Variants in TBCK observed in about 807,000 individuals in gnomAD.
The protein encoded by TBCK is TBC domain-containing protein kinase-like protein.
TBCK carries 99 observed loss-of-function variants against 113.4 expected under a neutral mutation model. That is an observed-to-expected ratio of 0.87 (90% CI 0.74 to 1.03). The LOEUF (loss-of-function observed/expected upper bound fraction) is 1.03, where lower values mean the gene tolerates loss of function less well. Ranked by LOEUF, TBCK falls within the 50% of genes least tolerant of loss-of-function variation. TBCK has a pLI of 0.00. For synonymous variants in TBCK, 369 were observed against 370.8 expected (o/e 1.00, Z 0.05); for missense variants, 1,045 against 1,061.3 (o/e 0.98, Z 0.21).
chr4:106,100,707 G>T (rs1405044020), intron 24 of TBCK, among the ~76,000 whole-genome samples: 1 of 152,060 alleles, frequency 6.6e-6, no homozygotes, highest in South Asian at 2.1e-4. Flanking sequence ...TACCTGTTTA[G>T]AATTTTTTAA....
At chr4:106,126,366 C>A (rs1273886671) in intron 23 of TBCK, among the ~76,000 whole-genome samples, 1 of 152,190 alleles carries the variant, frequency 6.6e-6, no homozygotes, top group African/African-American at 2.4e-5. Flanking sequence ...TATTATCTGA[C>A]ACACAGAAAG....
chr4:106,094,395 T>G (rs1448654547), intron 25 of TBCK, among the ~76,000 whole-genome samples: 1 of 152,176 alleles, frequency 6.6e-6, no homozygotes, highest in Non-Finnish European at 1.5e-5. Flanking sequence ...TCATGCATAC[T>G]TTTTATTTCC....
In TBCK at chr4:106,138,109, A is replaced by G. The variant is rs1373184160; in HGVS notation, c.2236-21731T>C. On this transcript the variant is annotated intron_variant, in intron 23 of 25. Coordinates refer to ENST00000394708, the MANE Select transcript of TBCK (RefSeq NM_001163435.3). ...ATACTTATTTCATGTATTTTTTAATATGGAAAACCAAATGTCGCAGAACCA... is the reference window on the plus strand; with the variant it reads ...ATACTTATTTCATGTATTTTTTAATGTGGAAAACCAAATGTCGCAGAACCA... 2.1e-5 allele frequency among the ~76,000 whole-genome samples: 3 copies of G among 141,368 alleles called. 1 individual carries two copies. Among genetic ancestry groups the G allele is most frequent in the African/African-American group, 7.5e-5 (3 of 40,026 alleles). 92.7% of individuals were successfully genotyped at this position (141,368 alleles called of 152,430 possible).
chr4:106,106,031 T>G (rs1412781006), intron 24 of TBCK, among the ~76,000 whole-genome samples: 1 of 151,530 alleles, frequency 6.6e-6, no homozygotes, highest in African/African-American at 2.4e-5. Flanking sequence ...ACCAAGCCGA[T>G]GAAAGAATCT....
chr4:106,314,760 G>A (rs1230785812), intron 1 of TBCK, among the ~76,000 whole-genome samples: 1 of 151,462 alleles, frequency 6.6e-6, no homozygotes, highest in Non-Finnish European at 1.5e-5. Flanking sequence ...GAGTGGCTGG[G>A]ATTACAGGCG....
intron 19 of TBCK, among the ~76,000 whole-genome samples, chr4:106,215,071 A>G (rs533164347): frequency 1.3e-5 from 2 of 150,904 alleles, no homozygotes; most frequent in African/African-American, 4.9e-5. Context: ...CAACATTCTT[A>G]AAGAAAAGAA....
chr4:106,118,710 GAA>G (rs1743870767), intron 23 of TBCK, among the ~76,000 whole-genome samples: 1 of 152,230 alleles, frequency 6.6e-6, no homozygotes, highest in African/African-American at 2.4e-5. Flanking sequence ...TCACCTGAGT[GAA>G]AAGAGTGCCC....
intron 22 of TBCK, among the ~76,000 whole-genome samples, chr4:106,186,699 T>A (rs1018435625): frequency 8.5e-5 from 13 of 152,164 alleles, no homozygotes; most frequent in African/African-American, 2.2e-4. Flanking sequence ...ACTCTGTTGA[T>A]AGTTTCTTTT....
At chr4:106,085,260 C>A (rs554093577) in intron 25 of TBCK, among the ~76,000 whole-genome samples, 1 of 146,540 alleles carries the variant, frequency 6.8e-6, no homozygotes, top group African/African-American at 2.6e-5. Context: ...ATTTACCAAG[C>A]AAATGGAAAG....
At chr4:106,219,826 T>A (rs1757460752) in intron 19 of TBCK, among the ~76,000 whole-genome samples, 2 of 152,258 alleles carry the variant, frequency 1.3e-5, no homozygotes, top group Non-Finnish European at 2.9e-5. Flanking sequence ...GGTGACAACC[T>A]CATTTTTTTG....
chr4:106,180,573 CCTCT>C (rs1405407772), intron 22 of TBCK, among the ~76,000 whole-genome samples: 4 of 152,042 alleles, frequency 2.6e-5, no homozygotes, highest in Non-Finnish European at 5.9e-5. Flanking sequence ...GTGATGTTCC[CCTCT>C]CTGTGTCCAT....
intron 3 of TBCK, among the ~76,000 whole-genome samples, chr4:106,288,257 G>A (rs955186334): frequency 2.6e-5 from 4 of 152,136 alleles, no homozygotes; most frequent in African/African-American, 9.7e-5. Context: ...AGCCAGGCAT[G>A]GCGGTGTATG....
chr4:106,078,138 C>T (rs1159457515), intron 25 of TBCK, among the ~76,000 whole-genome samples: 1 of 152,018 alleles, frequency 6.6e-6, no homozygotes, highest in Non-Finnish European at 1.5e-5. Flanking sequence ...GTTACAGTTG[C>T]ATTAAGAGGA....
At chr4:106,204,751 A>ATT (rs34775295) in intron 20 of TBCK, among the ~76,000 whole-genome samples, 3,751 of 87,230 alleles carry the variant, frequency 0.043, 297 homozygotes, top group African/African-American at 0.13. Flanking sequence ...ACAAACAATG[A>ATT]TTTTTTTTTT....
At chr4:106,129,188 T>A (rs557964929) in intron 23 of TBCK, among the ~76,000 whole-genome samples, 1 of 152,282 alleles carries the variant, frequency 6.6e-6, no homozygotes, top group East Asian at 1.9e-4. Context: ...GACGTGCAGG[T>A]TTGTTACATA....
At chr4:106,078,220 C>T (rs938505377) in intron 25 of TBCK, among the ~76,000 whole-genome samples, 1 of 151,948 alleles carries the variant, frequency 6.6e-6, no homozygotes, top group African/African-American at 2.4e-5. Context: ...CATTATACCT[C>T]GAGGAACTAT....
chr4:106,240,953 C>G (rs1217954122), intron 12 of TBCK, among the ~76,000 whole-genome samples: 11 of 152,022 alleles, frequency 7.2e-5, no homozygotes, highest in African/African-American at 2.7e-4. Flanking sequence ...GTCTCTATCG[C>G]AACTACTCAA....
At chr4:106,118,255 A>T (rs935615655) in intron 23 of TBCK, among the ~76,000 whole-genome samples, 2 of 152,076 alleles carry the variant, frequency 1.3e-5, no homozygotes, top group African/African-American at 4.8e-5. Context: ...AGATTTATTT[A>T]AAAAAATGGT....
intron 25 of TBCK, among the ~76,000 whole-genome samples, chr4:106,050,001 CTATACGTA>C (rs1417308347): frequency 2.6e-5 from 4 of 151,932 alleles, no homozygotes; most frequent in Admixed American, 6.6e-5. Flanking sequence ...ACTGCAATTC[CTATACGTA>C]TATGTGGAGA....
Sources: allele counts gnomAD v4.1 joint callset (sites outside exome capture counted in the v4.1 genomes callset), GRCh38; gene constraint gnomAD v4.1.1; transcripts MANE v1.5; gene names NCBI Gene and HGNC (gene_info 2026-07-23, HGNC 2026-07-21).